PREB: variants seen among roughly 807,000 people sequenced by gnomAD.
PREB encodes prolactin regulatory element binding.
A neutral mutation model predicts 46.7 loss-of-function variants in PREB; 29 were observed. That is an observed-to-expected ratio of 0.62 (90% CI 0.46 to 0.85). The LOEUF is 0.85. Ranked by LOEUF, PREB falls within the 40% of genes least tolerant of loss-of-function variation. The probability of loss-of-function intolerance (pLI) is 0.00; values close to 1 mark genes in which losing one functional copy is unlikely to be tolerated. For synonymous variants in PREB, 224 were observed against 220.1 expected (o/e 1.02, Z -0.16); for missense variants, 494 against 528.4 (o/e 0.93, Z 0.64).
In PREB at chr2:27,132,482, T is replaced by C; in HGVS notation, c.753-79A>G. On this transcript the variant is annotated intron_variant, in intron 5 of 8. Transcript: ENST00000260643. The surrounding 1 kb of genome is among the most constrained non-coding windows in gnomAD (Gnocchi z 4.0). ...AGAGGTTTGTGCACCACCTGCACCC[T>C]GGTCAGACCTGGGGTAACACTCAAC... 1 of 1,587,462 alleles carries C rather than the reference T, an allele frequency of 6.3e-7. No homozygotes were observed. Among genetic ancestry groups the C allele is most frequent in the Non-Finnish European group, 8.6e-7 (1 of 1,164,582 alleles).
Position 27,131,219 on chromosome 2 carries a change from G to A in PREB, c.*195C>T. ...CTGGATGGATCCACAGATGACGAAG[G>A]CAAGGTTCCTGGGACCTGGAGTCAC... is the stretch of plus-strand genomic sequence containing the variant. On this transcript the variant is annotated 3_prime_UTR_variant, in exon 9 of 9. Transcript: ENST00000260643. The A allele has an allele frequency of 4.9e-6, 3 of 612,046 alleles. No individual in the cohort carries two copies. The highest frequency in any genetic ancestry group is 4.4e-4 in the Middle Eastern group (1 of 2,278). The allele number at this position is 612,046 out of a possible 1,614,324, so 37.9% of individuals were successfully genotyped here.
At chr2:27,133,415 A>G in intron 2 of PREB, 78 bp from the exon 3 acceptor site, 1 of 1,596,836 alleles carries the variant, frequency 6.3e-7, no homozygotes, top group Admixed American at 1.7e-5. Flanking sequence ...GCAGGTGCCC[A>G]TACAACTTCT....
chr2:27,134,473 G>A lies in PREB; in HGVS notation c.-52C>T. On this transcript the variant is annotated 5_prime_UTR_variant, in exon 1 of 9. Coordinates refer to ENST00000260643, the MANE Select transcript of PREB (RefSeq NM_013388.6). ...CACCGCGGCACCCAGGACATGCCGC[G>A]CCGGGCCTTCGACTACTGCCCCGGC... The A allele has an allele frequency of 7.0e-7, 1 of 1,432,832 alleles. No homozygotes were observed. The highest frequency in any genetic ancestry group is 9.1e-7 in the Non-Finnish European group (1 of 1,103,562). The allele number at this position is 1,432,832 out of a possible 1,614,324, so 88.8% of individuals were successfully genotyped here.
At position 27,132,205 on chromosome 2, in the gene PREB, T is replaced by G. The variant is rs200219719; in HGVS notation, c.926+25A>C. ...CAAGCTCCCTCAGGGACCCCCTACCTAGCCAAGGCAGCAATGTCTCACACC... is the reference window on the plus strand; with the variant it reads ...CAAGCTCCCTCAGGGACCCCCTACCGAGCCAAGGCAGCAATGTCTCACACC... On this transcript the variant is annotated intron_variant, in intron 6 of 8. Coordinates refer to ENST00000260643, the MANE Select transcript of PREB (RefSeq NM_013388.6). The surrounding 1 kb of genome is among the most constrained non-coding windows in gnomAD (Gnocchi z 4.0). 6.2e-7 allele frequency: 1 copy of G among 1,613,964 alleles called. No individual in the cohort carries two copies. The highest frequency in any genetic ancestry group is 8.5e-7 in the Non-Finnish European group (1 of 1,179,864).
Position 27,134,272 on chromosome 2 carries a change from G to A in PREB, c.135+15C>T, listed in dbSNP as rs905859935. The A allele has an allele frequency of 6.9e-6, 11 of 1,589,038 alleles. No individual in the cohort carries two copies. Among genetic ancestry groups the A allele is most frequent in the Non-Finnish European group, 7.7e-6 (9 of 1,169,550 alleles). ...CCCGCAGCAAGACCCAGCCCCAGTGGCCCTGCGCTCTCACCACGCCATTCT... is the reference window on the plus strand; with the variant it reads ...CCCGCAGCAAGACCCAGCCCCAGTGACCCTGCGCTCTCACCACGCCATTCT... On this transcript the variant is annotated intron_variant, in intron 1 of 8. Coordinates refer to ENST00000260643, the MANE Select transcript of PREB (RefSeq NM_013388.6).
chr2:27,134,175 G>A, intron 1 of PREB, 112 bp downstream of exon 1: 1 of 1,337,270 alleles, frequency 7.5e-7, no homozygotes. Context: ...CTTCCCAACA[G>A]AAGTGGGCAG....
Position 27,134,240 on chromosome 2 carries a change from C to A in PREB, c.135+47G>T, listed in dbSNP as rs761834058. On this transcript the variant is annotated intron_variant, in intron 1 of 8. Transcript: ENST00000260643. Reference sequence around the variant, plus strand: ...CGACCCCCCGGCCACCCTGGAATCGCCGCCAGCCCGCAGCAAGACCCAGCC... The same window carrying A: ...CGACCCCCCGGCCACCCTGGAATCGACGCCAGCCCGCAGCAAGACCCAGCC... 2.7e-6 allele frequency: 4 copies of A among 1,507,780 alleles called. No individual in the cohort carries two copies. The East Asian group carries it at 1.0e-4, about 38-fold the overall frequency. The allele number at this position is 1,507,780 out of a possible 1,614,324, so 93.4% of individuals were successfully genotyped here.
Position 27,132,974 on chromosome 2 carries a change from G to A in PREB, c.547-51C>T. On this transcript the variant is annotated intron_variant, in intron 3 of 8. Transcript: ENST00000260643. The surrounding 1 kb of genome is among the most constrained non-coding windows in gnomAD (Gnocchi z 4.0). ...AACTCAGGTGTCCAGCAAGTACACT[G>A]TGACTGATGCCCACGCCACCCCTTC... 14 of 1,603,130 alleles carry A rather than the reference G, an allele frequency of 8.7e-6. No individual in the cohort carries two copies. The highest frequency in any genetic ancestry group is 1.1e-5 in the Non-Finnish European group (13 of 1,170,468).
chr2:27,134,554 G>T lies in PREB; in HGVS notation c.-133C>A. The T allele has an allele frequency of 2.2e-6, 3 of 1,359,810 alleles. No individual in the cohort carries two copies. The highest frequency in any genetic ancestry group is 1.5e-5 in the African/African-American group (1 of 64,812). The allele number at this position is 1,359,810 out of a possible 1,614,324, so 84.2% of individuals were successfully genotyped here. A position where few individuals can be genotyped will look rare whatever the true frequency, so the allele number is the denominator to read the frequency against. ...GAGCACTCCCTACCCCTCTCACACC[G>T]GGGAGTTGCCAAAACCCTGACCATC... On this transcript the variant is annotated 5_prime_UTR_variant, in exon 1 of 9. Transcript: ENST00000260643.
chr2:27,133,753 C>G, intron 1 of PREB, 32 bp from the exon 2 acceptor site: 1 of 1,602,318 alleles, frequency 6.2e-7, no homozygotes. Flanking sequence ...TGAGCAAGTT[C>G]AGGGGTGCCC....
chr2:27,133,414 C>G lies in PREB; in HGVS notation c.326-77G>C, dbSNP rs1572348719. 5.0e-6 allele frequency: 8 copies of G among 1,595,058 alleles called. No homozygotes were observed. In the East Asian group the frequency reaches 1.8e-4, roughly 36 times the overall value. ...GGCCCCTCTCTCCATGGCAGGTGCCCATACAACTTCTAGCTTGCTACCAAA... is the reference window on the plus strand; with the variant it reads ...GGCCCCTCTCTCCATGGCAGGTGCCGATACAACTTCTAGCTTGCTACCAAA... On this transcript the variant is annotated intron_variant, in intron 2 of 8. Transcript: ENST00000260643.
At position 27,134,404 on chromosome 2, in the gene PREB, C is replaced by T; in HGVS notation, c.18G>A (p.Ala6=). The T allele has an allele frequency of 1.3e-6, 2 of 1,592,646 alleles. No homozygotes were observed. Among genetic ancestry groups the T allele is most frequent in the Non-Finnish European group, 1.7e-6 (2 of 1,172,566 alleles). Residue 6 remains alanine, a synonymous_variant, in exon 1 of 9, where the codon GCG becomes GCA. Transcript: ENST00000260643. ...GGAACGGAGCCCGGTACAGCTCTGG[C>T]GCCCGGCGCCGGCCCATCCCGCCCG... MGRRR[A]PELYRAPFPL...
At position 27,133,275 on chromosome 2, in the gene PREB, C is replaced by G; in HGVS notation, c.388G>C (p.Ala130Pro). The change falls in exon 3 of 9, where the codon GCG becomes CCG. Residue 130 changes from alanine to proline, a missense_variant. Transcript: ENST00000260643. ...GAAPAEKKCG[A>P]ETQHEGLELR... ...TCTAGCCCCTCGTGCTGGGTTTCCG[C>G]TCCACATTTCTTCTCTGCTGGGGCT... 1 of 1,614,222 alleles carries G rather than the reference C, an allele frequency of 6.2e-7. No individual in the cohort carries two copies. Among genetic ancestry groups the G allele is most frequent in the Non-Finnish European group, 8.5e-7 (1 of 1,180,042 alleles).
chr2:27,134,160 C>T, intron 1 of PREB, 127 bp downstream of exon 1: 1 of 1,254,744 alleles, frequency 8.0e-7, no homozygotes, highest in Non-Finnish European at 1.1e-6. Flanking sequence ...GTCAGGCAAG[C>T]GGGTCTTCCC....
chr2:27,133,059 C>T lies in PREB; in HGVS notation c.546+58G>A, dbSNP rs141742145. 7.3e-4 allele frequency: 1,159 copies of T among 1,596,746 alleles called. 17 individuals are homozygous for T. In the East Asian group the frequency reaches 0.017, roughly 24 times the overall value. On this transcript the variant is annotated intron_variant, in intron 3 of 8. Coordinates refer to ENST00000260643, the MANE Select transcript of PREB (RefSeq NM_013388.6). ...TTCCCAGATGCCACGTTCAACTTCT[C>T]ACAATTTTGATCCTGTTGCTACTGA...
Position 27,134,632 on chromosome 2 carries a change from G to C in PREB, c.-211C>G. ...CCGTCCAAGTCGGTCTCGCAGACGC[G>C]CACTGCGCATGCGCACCTGTCTCGC... is the stretch of plus-strand genomic sequence containing the variant. On this transcript the variant is annotated 5_prime_UTR_variant, in exon 1 of 9. Coordinates refer to ENST00000260643, the MANE Select transcript of PREB (RefSeq NM_013388.6). 1 of 1,266,320 alleles carries C rather than the reference G, an allele frequency of 7.9e-7. No individual in the cohort carries two copies. Among genetic ancestry groups the C allele is most frequent in the South Asian group, 2.4e-5 (1 of 41,250 alleles). The allele number at this position is 1,266,320 out of a possible 1,614,324, so 78.4% of individuals were successfully genotyped here.
At position 27,132,224 on chromosome 2, in the gene PREB, T is replaced by C; in HGVS notation, c.926+6A>G. ...CCTACCTAGCCAAGGCAGCAATGTC[T>C]CACACCTGACATCGAGGCAGGAGAC... On this transcript the variant is annotated splice_donor_region_variant and intron_variant, in intron 6 of 8. Coordinates refer to ENST00000260643, the MANE Select transcript of PREB (RefSeq NM_013388.6). The surrounding 1 kb of genome is among the most constrained non-coding windows in gnomAD (Gnocchi z 4.0). 1.2e-6 allele frequency: 2 copies of C among 1,614,128 alleles called. No individual in the cohort carries two copies. The highest frequency in any genetic ancestry group is 1.7e-6 in the Non-Finnish European group (2 of 1,179,984).
rs751119589 is a variant in PREB at position 27,131,702 on chromosome 2, G to C, written c.1129C>G (p.Arg377Gly). 6.2e-7 allele frequency: 1 copy of C among 1,614,134 alleles called. No homozygotes were observed. Among genetic ancestry groups the C allele is most frequent in the Non-Finnish European group, 8.5e-7 (1 of 1,180,014 alleles). The change falls in exon 8 of 9, where the codon CGT becomes GGT. Residue 377 changes from arginine to glycine, a missense_variant. By Grantham distance (125) the Arg-to-Gly change is moderately radical (BLOSUM62 -2). Coordinates refer to ENST00000260643, the MANE Select transcript of PREB (RefSeq NM_013388.6). ...GAGGGCAACAGATGCAGCTGGCAAC[G>C]ACTGTCCACAGCCACAGAGAACAGG... ...TALFSVAVDS[R>G]CQLHLLPSRR...
In PREB at chr2:27,133,651, G is replaced by A. The variant is rs1157070418; in HGVS notation, c.206C>T (p.Thr69Ile). ...CAGTGCCAAGTTCATGGTGGCCCGTGTCTCTGTGTCATGGGAGTGCAGCAA... is the reference window on the plus strand; with the variant it reads ...CAGTGCCAAGTTCATGGTGGCCCGTATCTCTGTGTCATGGGAGTGCAGCAA... Reference protein sequence around the residue: ...ASLLHSHDTETRATMNLALAG... With the variant: ...ASLLHSHDTEIRATMNLALAG... The change falls in exon 2 of 9, where the codon ACA becomes ATA. Residue 69 changes from threonine to isoleucine, a missense_variant. By Grantham distance (89) the Thr-to-Ile change is moderately conservative. Coordinates refer to ENST00000260643, the MANE Select transcript of PREB (RefSeq NM_013388.6). The A allele has an allele frequency of 1.6e-5, 26 of 1,614,246 alleles. No individual in the cohort carries two copies. The highest frequency in any genetic ancestry group is 2.1e-5 in the Non-Finnish European group (25 of 1,180,046).
Sources: allele counts gnomAD v4.1 joint callset, GRCh38; gene constraint gnomAD v4.1.1; non-coding constraint Gnocchi (gnomAD v3.1); transcripts MANE v1.5; gene names NCBI Gene and HGNC (gene_info 2026-07-23, HGNC 2026-07-21).